OR7A17: variants seen among roughly 807,000 people sequenced by gnomAD.
OR7A17 encodes the protein olfactory receptor family 7 subfamily A member 17, also known as olfactory receptor 7A17.
For synonymous variants in OR7A17, 159 were observed against 142.1 expected, an observed-to-expected ratio of 1.12 and a Z score of -0.85; for missense variants, 366 against 365.5, an observed-to-expected ratio of 1.00 and a Z score of -0.01.
At position 14,880,620 on chromosome 19, in the gene OR7A17, A is replaced by G; in HGVS notation, c.736T>C (p.Ser246Pro). The change falls in exon 3 of 3, where the codon TCA (serine) becomes CCA (proline). Residue 246 changes from serine to proline, a missense_variant. Transcript: ENST00000641113. ...GTACAACAAAATAAAGAGACAACTG[A>G]GAGGTGTGATGCACAGGTGGAAAAT... The part of the protein sequence containing the change: ...KAFSTCASHL[S>P]VVSLFCCTGL... 6.2e-7 allele frequency: 1 copy of G among 1,614,170 alleles called. No homozygotes were observed. The highest frequency in any genetic ancestry group is 1.3e-5 in the African/African-American group (1 of 75,036).
Position 14,880,419 on chromosome 19 carries a change from G to A in OR7A17, c.*7C>T, listed in dbSNP as rs373003706. The A allele has an allele frequency of 6.4e-7, 1 of 1,556,196 alleles. No homozygotes were observed. The highest frequency in any genetic ancestry group is 1.4e-5 in the African/African-American group (1 of 72,600). ...AAATCACAGTTATTTCTTGAAAAATGGCCCTTTTATTGCTTTCCTCTGAAG... is the reference window on the plus strand; with the variant it reads ...AAATCACAGTTATTTCTTGAAAAATAGCCCTTTTATTGCTTTCCTCTGAAG... On this transcript the variant is annotated 3_prime_UTR_variant, in exon 3 of 3. Transcript: ENST00000641113.
At chr19:14,882,702 G>T (rs568357065) in intron 1 of OR7A17, among the ~76,000 whole-genome samples, 2 of 152,016 alleles carry the variant, frequency 1.3e-5, no homozygotes, top group Non-Finnish European at 2.9e-5. Context: ...TTTTTTTCCC[G>T]CCGTGTCTTT....
Position 14,880,861 on chromosome 19 carries a change from C to A in OR7A17, c.495G>T (p.Trp165Cys), listed in dbSNP as rs752583133. 1.2e-6 allele frequency: 2 copies of A among 1,614,112 alleles called. No homozygotes were observed. The highest frequency in any genetic ancestry group is 1.7e-5 in the Admixed American group (1 of 60,022). ...TTTCCAAGTCTGTGCAGAAGGACAGCCACAATACCATTAAGCTTTGTGACA... is the reference window on the plus strand; with the variant it reads ...TTTCCAAGTCTGTGCAGAAGGACAGACACAATACCATTAAGCTTTGTGACA... Reference protein sequence around the residue: ...NSLSQSLMVLWLSFCTDLEIP... With the variant: ...NSLSQSLMVLCLSFCTDLEIP... Residue 165 changes from tryptophan (W) to cysteine (C), a missense_variant, in exon 3 of 3, where the codon TGG becomes TGT. Trp to Cys is a radical substitution (Grantham distance 215). Coordinates refer to ENST00000641113, the MANE Select transcript of OR7A17 (RefSeq NM_030901.2).
chr19:14,881,443 G>C lies in OR7A17; in HGVS notation c.-88C>G. 1 of 875,684 alleles carries C rather than the reference G, an allele frequency of 1.1e-6. No individual in the cohort carries two copies. The highest frequency in any genetic ancestry group is 1.5e-6 in the Non-Finnish European group (1 of 655,626). The allele number at this position is 875,684 out of a possible 1,614,324, so 54.2% of individuals were successfully genotyped here. A position where few individuals can be genotyped will look rare whatever the true frequency, so the allele number is the denominator to read the frequency against. On this transcript the variant is annotated 5_prime_UTR_variant, in exon 3 of 3. Coordinates refer to ENST00000641113, the MANE Select transcript of OR7A17 (RefSeq NM_030901.2). ...GGTCTCTCACTCTGTTGCCAACGCT[G>C]GTCTGAACCTCCTGGACTCATGCGA... is the stretch of plus-strand genomic sequence containing the variant.
intron 1 of OR7A17, 143 bp downstream of exon 1, chr19:14,885,798 A>G (rs1385572295): frequency 2.0e-5 from 3 of 152,234 alleles, no homozygotes; most frequent in East Asian, 3.8e-4. Context: ...GAACCAAAAA[A>G]TAGCCCGTAT....
In OR7A17 at chr19:14,878,955, C is replaced by G. The variant is rs1429749036; in HGVS notation, c.*1471G>C. The G allele has an allele frequency of 1.3e-5, 2 of 151,532 alleles. No individual in the cohort carries two copies. The highest frequency in any genetic ancestry group is 2.9e-5 in the Non-Finnish European group (2 of 68,002). The allele number at this position is 151,532 out of a possible 1,614,324, so 9.4% of individuals were successfully genotyped here. On this transcript the variant is annotated 3_prime_UTR_variant, in exon 3 of 3. Coordinates refer to ENST00000641113, the MANE Select transcript of OR7A17 (RefSeq NM_030901.2). Reference sequence around the variant, plus strand: ...CCTCCCAAAGTTCTGGGATTACAGGCGTGAGCCACCATGCCGGGCCAAAAA... The same window carrying G: ...CCTCCCAAAGTTCTGGGATTACAGGGGTGAGCCACCATGCCGGGCCAAAAA...
intron 1 of OR7A17, among the ~76,000 whole-genome samples, chr19:14,883,145 A>C (rs1198348784): frequency 6.6e-6 from 1 of 152,200 alleles, no homozygotes; most frequent in Non-Finnish European, 1.5e-5. Context: ...CCTAGACCAT[A>C]CTATTGAATC....
intron 1 of OR7A17, among the ~76,000 whole-genome samples, chr19:14,882,389 A>G (rs2045116733): frequency 6.6e-6 from 1 of 152,264 alleles, no homozygotes; most frequent in Non-Finnish European, 1.5e-5. Context: ...GAGCAGAATG[A>G]AGACAGGGCG....
chr19:14,883,295 C>T (rs1330094105), intron 1 of OR7A17, among the ~76,000 whole-genome samples: 2 of 152,126 alleles, frequency 1.3e-5, no homozygotes, highest in African/African-American at 2.4e-5. Context: ...CAAAAATTAG[C>T]CAGGTGTGGA....
chr19:14,880,563 T>C lies in OR7A17; in HGVS notation c.793A>G (p.Thr265Ala). Residue 265 changes from threonine to alanine, a missense_variant, in exon 3 of 3, where the codon ACC becomes GCC. Physicochemically the swap from Thr to Ala is moderately conservative, Grantham distance 58 (BLOSUM62 0). Transcript: ENST00000641113. ...GLGVYLTSAA[T>A]HNSHTSATAS... Reference sequence around the variant, plus strand: ...GTTGCACTTGTGTGTGAGTTGTGGGTTGCAGCAGAAGTAAGGTACACACCT... The same window carrying C: ...GTTGCACTTGTGTGTGAGTTGTGGGCTGCAGCAGAAGTAAGGTACACACCT... The C allele has an allele frequency of 6.2e-7, 1 of 1,614,048 alleles. No individual in the cohort carries two copies. Among genetic ancestry groups the C allele is most frequent in the Non-Finnish European group, 8.5e-7 (1 of 1,180,002 alleles).
chr19:14,880,388 G>A lies in OR7A17; in HGVS notation c.*38C>T. 1.3e-6 allele frequency: 2 copies of A among 1,491,798 alleles called. No homozygotes were observed. Among genetic ancestry groups the A allele is most frequent in the Non-Finnish European group, 1.8e-6 (2 of 1,103,144 alleles). 92.4% of individuals were successfully genotyped at this position (1,491,798 alleles called of 1,614,324 possible). A position where few individuals can be genotyped will look rare whatever the true frequency, so the allele number is the denominator to read the frequency against. Reference sequence around the variant, plus strand: ...ACAATTTCTGAGTATGAGACTTAAAGCTCTGAAATCACAGTTATTTCTTGA... The same window carrying A: ...ACAATTTCTGAGTATGAGACTTAAAACTCTGAAATCACAGTTATTTCTTGA... On this transcript the variant is annotated 3_prime_UTR_variant, in exon 3 of 3. Coordinates refer to ENST00000641113, the MANE Select transcript of OR7A17 (RefSeq NM_030901.2).
chr19:14,883,910 A>G (rs939280024), intron 1 of OR7A17, among the ~76,000 whole-genome samples: 14 of 152,244 alleles, frequency 9.2e-5, no homozygotes, highest in African/African-American at 3.4e-4. Flanking sequence ...GTTCTGGCAC[A>G]TAGAAGATAC....
At chr19:14,883,261 G>A (rs928173001) in intron 1 of OR7A17, among the ~76,000 whole-genome samples, 6 of 152,074 alleles carry the variant, frequency 3.9e-5, no homozygotes, top group Admixed American at 2.0e-4. Flanking sequence ...CCTATGTGGC[G>A]AAGCCCCGTC....
intron 2 of OR7A17, 46 bp from the exon 3 acceptor site, chr19:14,881,597 A>G (rs2045112824): frequency 9.5e-6 from 2 of 210,888 alleles, no homozygotes; most frequent in Non-Finnish European, 9.3e-6. Flanking sequence ...TGCATTACAA[A>G]CCTATCAGAA....
intron 1 of OR7A17, among the ~76,000 whole-genome samples, chr19:14,884,364 G>T (rs1002309028): frequency 6.6e-6 from 1 of 152,140 alleles, no homozygotes; most frequent in Admixed American, 6.5e-5. Flanking sequence ...GGCTGAGTAG[G>T]GAGGTCACCT....
chr19:14,883,809 A>G (rs1361317426), intron 1 of OR7A17, among the ~76,000 whole-genome samples: 2 of 152,252 alleles, frequency 1.3e-5, no homozygotes, highest in African/African-American at 4.8e-5. Flanking sequence ...AGCCAAGATA[A>G]ACAATAAGAA....
rs201404848 is a variant in OR7A17 at position 14,880,940 on chromosome 19, C to A, written c.416G>T (p.Arg139Leu). The A allele has an allele frequency of 1.9e-6, 3 of 1,613,912 alleles. No individual in the cohort carries two copies. The highest frequency in any genetic ancestry group is 2.7e-5 in the African/African-American group (2 of 74,852). Reference protein sequence around the residue: ...PLHYTVIMNPRLCGLLVLASW... With the variant: ...PLHYTVIMNPLLCGLLVLASW... ...TGCCAGAACCAGGAGTCCACAGAGCCGAGGGTTCATGATGACTGTGTAGTG... is the reference window on the plus strand; with the variant it reads ...TGCCAGAACCAGGAGTCCACAGAGCAGAGGGTTCATGATGACTGTGTAGTG... Residue 139 changes from arginine to leucine, a missense_variant, in exon 3 of 3, where the codon CGG becomes CTG. Arg to Leu is a moderately radical substitution (Grantham distance 102, BLOSUM62 -2). Transcript: ENST00000641113.
At chr19:14,884,147 G>A (rs1235640436) in intron 1 of OR7A17, among the ~76,000 whole-genome samples, 5 of 152,070 alleles carry the variant, frequency 3.3e-5, no homozygotes, top group East Asian at 1.9e-4. Flanking sequence ...TATGTTAGAC[G>A]AATACATAGA....
At position 14,881,399 on chromosome 19, in the gene OR7A17, T is replaced by TATTC; in HGVS notation, c.-45_-44insGAAT. ...TTATTTATTTATTTATTTATTTATT[T>TATTC]ATTTATTAACATAGACAGGGTCTCT... On this transcript the variant is annotated 5_prime_UTR_variant, in exon 3 of 3. In the 5' UTR this introduces an upstream ATG that the reference lacks. Transcript: ENST00000641113. The TATTC allele has an allele frequency of 8.7e-7, 1 of 1,152,054 alleles. No individual in the cohort carries two copies. Among genetic ancestry groups the TATTC allele is most frequent in the South Asian group, 3.5e-5 (1 of 28,424 alleles). The allele number at this position is 1,152,054 out of a possible 1,614,324, so 71.4% of individuals were successfully genotyped here.
Sources: allele counts gnomAD v4.1 joint callset (sites outside exome capture counted in the v4.1 genomes callset), GRCh38; gene constraint gnomAD v4.1.1; transcripts MANE v1.5; gene names NCBI Gene and HGNC (gene_info 2026-07-23, HGNC 2026-07-21).